Variants in PLCB1 observed in about 807,000 individuals in gnomAD.
PLCB1 encodes phospholipase C beta 1.
A neutral mutation model predicts 161.8 loss-of-function variants in PLCB1; 46 were observed. The ratio of observed to expected loss-of-function variants is 0.28; its 90% CI spans 0.22 to 0.36. PLCB1 has a LOEUF of 0.36. PLCB1 is among the 10% of genes least tolerant of loss of function. The pLI, the probability that PLCB1 is intolerant of heterozygous loss-of-function variation, is 1.00. For missense variants in PLCB1, 1,016 were observed against 1,472.5 expected (o/e 0.69, Z 5.07); for synonymous variants, 517 against 503.7 (o/e 1.03, Z -0.35).
intron 3 of PLCB1, among the ~76,000 whole-genome samples, chr20:8,615,723 C>A (rs1462547565): frequency 1.3e-5 from 2 of 152,158 alleles, no homozygotes; most frequent in African/African-American, 4.8e-5. Flanking sequence ...GCACGTGTAA[C>A]AAATTTACTT....
At chr20:8,233,911 G>C (rs1295873032) in intron 2 of PLCB1, among the ~76,000 whole-genome samples, 1 of 152,184 alleles carries the variant, frequency 6.6e-6, no homozygotes, top group Non-Finnish European at 1.5e-5. Context: ...TGTTGCATGC[G>C]ATTGTAATCC....
intron 2 of PLCB1, among the ~76,000 whole-genome samples, chr20:8,275,715 G>A (rs1457935660): frequency 6.6e-6 from 1 of 152,150 alleles, no homozygotes; most frequent in East Asian, 1.9e-4. Flanking sequence ...CTGAAAATCA[G>A]TAAAGGGTTT....
At chr20:8,573,353 A>T (rs897626490) in intron 3 of PLCB1, among the ~76,000 whole-genome samples, 1 of 152,218 alleles carries the variant, frequency 6.6e-6, no homozygotes, top group Admixed American at 6.5e-5. Context: ...CAACTTTTTC[A>T]AGAACTTTAA....
At chr20:8,566,601 C>T (rs1336650116) in intron 3 of PLCB1, among the ~76,000 whole-genome samples, 1 of 152,050 alleles carries the variant, frequency 6.6e-6, no homozygotes, top group African/African-American at 2.4e-5. Context: ...CTTTGTTTTG[C>T]TTGGTTGGTA....
intron 10 of PLCB1, among the ~76,000 whole-genome samples, chr20:8,692,986 C>A (rs1042643184): frequency 3.3e-5 from 5 of 152,004 alleles, no homozygotes; most frequent in Non-Finnish European, 5.9e-5. Flanking sequence ...AGATTTACCC[C>A]AAGGCTGCAG....
At chr20:8,564,120 C>G (rs1392804611) in intron 3 of PLCB1, among the ~76,000 whole-genome samples, 3 of 152,118 alleles carry the variant, frequency 2.0e-5, no homozygotes, top group African/African-American at 7.2e-5. Flanking sequence ...AGTAACCAAA[C>G]AGTGTGGTAC....
chr20:8,816,851 G>GTTAGT (rs1329053933), intron 31 of PLCB1, among the ~76,000 whole-genome samples: 4 of 152,166 alleles, frequency 2.6e-5, no homozygotes, highest in Non-Finnish European at 5.9e-5. Context: ...AGTGATAAAA[G>GTTAGT]TTAGTTTTAA....
chr20:8,173,406 C>A (rs2061883277), intron 2 of PLCB1, among the ~76,000 whole-genome samples: 1 of 152,120 alleles, frequency 6.6e-6, no homozygotes, highest in African/African-American at 2.4e-5. Flanking sequence ...CCTCTCATAT[C>A]ATCTAAACCA....
chr20:8,191,126 T>TTATTTTG, intron 2 of PLCB1, among the ~76,000 whole-genome samples: 1 of 152,030 alleles, frequency 6.6e-6, no homozygotes, highest in East Asian at 1.9e-4. Context: ...ACATAATTTC[T>TTATTTTG]TATTTTTTAT....
intron 3 of PLCB1, among the ~76,000 whole-genome samples, chr20:8,517,672 G>T (rs1438263009): frequency 6.6e-6 from 1 of 152,208 alleles, no homozygotes; most frequent in Non-Finnish European, 1.5e-5. Flanking sequence ...GGACTGAATA[G>T]GATGGGACCG....
chr20:8,288,374 A>G (rs575351391), intron 2 of PLCB1, among the ~76,000 whole-genome samples: 2 of 152,344 alleles, frequency 1.3e-5, no homozygotes, highest in South Asian at 4.1e-4. Flanking sequence ...ACGGTCTAGA[A>G]GCAGAGCTTG....
At chr20:8,522,173 G>C (rs1019691619) in intron 3 of PLCB1, among the ~76,000 whole-genome samples, 1 of 152,132 alleles carries the variant, frequency 6.6e-6, no homozygotes, top group African/African-American at 2.4e-5. Context: ...TCACCTCAAG[G>C]CTAGACAGAT....
intron 25 of PLCB1, among the ~76,000 whole-genome samples, chr20:8,762,705 T>C (rs558813573): frequency 6.6e-6 from 1 of 152,356 alleles, no homozygotes; most frequent in East Asian, 1.9e-4. Flanking sequence ...GTACCTGGTT[T>C]TCTCCATGGC....
intron 3 of PLCB1, among the ~76,000 whole-genome samples, chr20:8,433,275 T>C (rs1014459743): frequency 2.0e-5 from 3 of 152,212 alleles, no homozygotes; most frequent in Non-Finnish European, 4.4e-5. Flanking sequence ...GTGAACTTTC[T>C]ATTAACTGTA....
chr20:8,231,091 A>T (rs1472978439), intron 2 of PLCB1, among the ~76,000 whole-genome samples: 1 of 152,138 alleles, frequency 6.6e-6, no homozygotes, highest in East Asian at 1.9e-4. Context: ...TGCTCCAGAA[A>T]GCTTTTCTAG....
chr20:8,308,973 G>GT (rs1005404019), intron 2 of PLCB1, among the ~76,000 whole-genome samples: 73 of 148,326 alleles, frequency 4.9e-4, no homozygotes, highest in East Asian at 2.2e-3. Flanking sequence ...AATCCATATA[G>GT]TTTTTTTTTT....
At chr20:8,417,231 C>T (rs1313302822) in intron 3 of PLCB1, among the ~76,000 whole-genome samples, 4 of 150,220 alleles carry the variant, frequency 2.7e-5, no homozygotes, top group Non-Finnish European at 4.4e-5. Flanking sequence ...GGACTACAGG[C>T]GCCCACCACC....
intron 3 of PLCB1, among the ~76,000 whole-genome samples, chr20:8,547,049 A>G (rs922461946): frequency 3.3e-5 from 5 of 152,184 alleles, no homozygotes; most frequent in African/African-American, 1.2e-4. Flanking sequence ...ACTGATAAAA[A>G]CAAATGCTTA....
At chr20:8,611,690 A>G (rs1987909090) in intron 3 of PLCB1, among the ~76,000 whole-genome samples, 1 of 152,318 alleles carries the variant, frequency 6.6e-6, no homozygotes, top group South Asian at 2.1e-4. Context: ...TTGACCGTGC[A>G]GGAAACATTC....
Sources: gnomAD v4.1 joint callset for allele counts (sites outside exome capture counted in the v4.1 genomes callset) on GRCh38, gnomAD v4.1.1 for gene constraint, MANE v1.5 for transcripts, NCBI Gene and HGNC (gene_info 2026-07-23, HGNC 2026-07-21) for gene names.